TLE4: variants seen among roughly 807,000 people sequenced by gnomAD.
TLE4 encodes transducin-like enhancer protein 4.
Under a neutral mutation model 92.8 loss-of-function variants are expected in TLE4, and 8 were observed. The ratio of observed to expected loss-of-function variants is 0.09; its 90% CI spans 0.05 to 0.16. The LOEUF is 0.16. Among genes scored for constraint, TLE4 ranks in the 10% least tolerant of loss-of-function variants. The probability of loss-of-function intolerance (pLI) is 1.00; values close to 1 mark genes in which losing one functional copy is unlikely to be tolerated. For synonymous variants in TLE4, 371 were observed against 374.1 expected (o/e 0.99, Z 0.10); for missense variants, 675 against 997.6 (o/e 0.68, Z 4.36).
intron 14 of TLE4, among the ~76,000 whole-genome samples, chr9:79,711,858 A>G (rs1321405779): frequency 6.6e-6 from 1 of 152,224 alleles, no homozygotes; most frequent in African/African-American, 2.4e-5. Flanking sequence ...ACAGAGTCAC[A>G]TCTACTGCAG....
At chr9:79,703,288 C>G (rs1471755688) in intron 8 of TLE4, among the ~76,000 whole-genome samples, 1 of 152,138 alleles carries the variant, frequency 6.6e-6, no homozygotes. Context: ...CACTTGGGAG[C>G]CCTGCCCTGG....
chr9:79,640,288 G>A (rs2056863461), intron 6 of TLE4, among the ~76,000 whole-genome samples: 2 of 152,048 alleles, frequency 1.3e-5, no homozygotes, highest in Non-Finnish European at 2.9e-5. Context: ...AACAGGAAAC[G>A]AAGAAACAGG....
chr9:79,604,067 A>AT (rs2046286793), intron 4 of TLE4, among the ~76,000 whole-genome samples: 1 of 152,174 alleles, frequency 6.6e-6, no homozygotes, highest in Non-Finnish European at 1.5e-5. Flanking sequence ...ATTTCAGATG[A>AT]TTACAGATGC....
chr9:79,667,096 C>T (rs2134680209), intron 8 of TLE4, among the ~76,000 whole-genome samples: 1 of 152,304 alleles, frequency 6.6e-6, no homozygotes, highest in East Asian at 1.9e-4. Flanking sequence ...ACAGCTGCGC[C>T]CAGATCTAGA....
At chr9:79,583,000 T>C (rs2040104159) in intron 4 of TLE4, among the ~76,000 whole-genome samples, 1 of 152,202 alleles carries the variant, frequency 6.6e-6, no homozygotes, top group South Asian at 2.1e-4. Flanking sequence ...AAATTATTAC[T>C]CTAAAGAGGA....
Position 79,573,249 on chromosome 9 carries a change from C to G in TLE4, c.45+414C>G, listed in dbSNP as rs865857744. 1.8e-4 allele frequency: 182 copies of G among 1,017,154 alleles called. No homozygotes were observed. In the African/African-American group the frequency reaches 2.3e-3, roughly 13 times the overall value. 63.0% of individuals were successfully genotyped at this position (1,017,154 alleles called of 1,614,324 possible). On this transcript the variant is annotated intron_variant, in intron 1 of 19. Coordinates refer to ENST00000376552, the MANE Select transcript of TLE4 (RefSeq NM_007005.6). ...GGCGCCGGCCCCTCGCGCCGCGGGC[C>G]GCCGGGGCGAGCGGGCGAACGAACG...
chr9:79,664,703 C>T (rs1435622616), intron 8 of TLE4, among the ~76,000 whole-genome samples: 3 of 152,152 alleles, frequency 2.0e-5, no homozygotes, highest in Non-Finnish European at 2.9e-5. Context: ...CTCCTCCTGC[C>T]TCCCGCTGCC....
At chr9:79,591,778 A>G (rs1433413007) in intron 4 of TLE4, among the ~76,000 whole-genome samples, 35 of 152,174 alleles carry the variant, frequency 2.3e-4, no homozygotes, top group Admixed American at 2.3e-3. Context: ...AGAGGGACAG[A>G]GTCATGGTAC....
intron 4 of TLE4, among the ~76,000 whole-genome samples, chr9:79,608,739 G>C (rs2047675712): frequency 6.6e-6 from 1 of 151,968 alleles, no homozygotes; most frequent in Non-Finnish European, 1.5e-5. Flanking sequence ...TAGTAATGTT[G>C]TTCCTATTTT....
At chr9:79,702,565 T>A (rs959494775) in intron 8 of TLE4, among the ~76,000 whole-genome samples, 1 of 152,196 alleles carries the variant, frequency 6.6e-6, no homozygotes, top group Non-Finnish European at 1.5e-5. Context: ...TAGTCCACTT[T>A]AAAAAATCGT....
At chr9:79,615,668 T>C (rs1194238471) in intron 5 of TLE4, among the ~76,000 whole-genome samples, 1 of 152,196 alleles carries the variant, frequency 6.6e-6, no homozygotes, top group African/African-American at 2.4e-5. Context: ...TACTGAATGA[T>C]AACTATTAAA....
chr9:79,720,336 AT>A, intron 16 of TLE4, 43 bp downstream of exon 16: 1 of 1,568,662 alleles, frequency 6.4e-7, no homozygotes, highest in Non-Finnish European at 8.6e-7. Flanking sequence ...GGAGGAGCCG[AT>A]TTTACCATAT....
At chr9:79,600,688 G>A (rs2045406300) in intron 4 of TLE4, among the ~76,000 whole-genome samples, 1 of 152,152 alleles carries the variant, frequency 6.6e-6, no homozygotes. Flanking sequence ...GTTCAGAAGG[G>A]ATTTGAATAG....
At chr9:79,712,983 A>G (rs2073700925) in intron 14 of TLE4, among the ~76,000 whole-genome samples, 1 of 152,262 alleles carries the variant, frequency 6.6e-6, no homozygotes, top group African/African-American at 2.4e-5. Flanking sequence ...TCAAATGAGA[A>G]TAATGCCTGA....
At chr9:79,710,076 A>T (rs1453696333) in intron 14 of TLE4, among the ~76,000 whole-genome samples, 1 of 152,232 alleles carries the variant, frequency 6.6e-6, no homozygotes, top group Non-Finnish European at 1.5e-5. Context: ...CTGAAAGGAA[A>T]TAAGGGCACT....
In TLE4 at chr9:79,724,168, TC is replaced by T. The variant is rs1474819100; in HGVS notation, c.2215-868del. On this transcript the variant is annotated intron_variant, in intron 19 of 19. Transcript: ENST00000376552. ...CTTTTTACTAGGAATATTTTTACAT[TC>T]TTTTTTTTTTTTTAATGTATTCTCA... 9.2e-5 allele frequency among the ~76,000 whole-genome samples: 14 copies of T among 151,804 alleles called. No homozygotes were observed. In the South Asian group the frequency reaches 1.0e-3, roughly 11 times the overall value.
At chr9:79,604,873 C>T (rs935599366) in intron 4 of TLE4, among the ~76,000 whole-genome samples, 6 of 152,142 alleles carry the variant, frequency 3.9e-5, no homozygotes, top group African/African-American at 9.7e-5. Context: ...GAATAATCTC[C>T]GTTTACTCTG....
intron 4 of TLE4, among the ~76,000 whole-genome samples, chr9:79,583,616 G>A (rs1042126422): frequency 1.4e-4 from 21 of 151,934 alleles, no homozygotes; most frequent in African/African-American, 4.8e-4. Context: ...TTTCTTAGCA[G>A]GCTTATTTAA....
intron 19 of TLE4, 42 bp downstream of exon 19, chr9:79,723,077 CA>C: frequency 6.4e-7 from 1 of 1,566,132 alleles, no homozygotes; most frequent in Non-Finnish European, 8.8e-7. Flanking sequence ...TTTGTTTAAT[CA>C]AACTCTCTGT....
Sources: gnomAD v4.1 joint callset for allele counts (sites outside exome capture counted in the v4.1 genomes callset) on GRCh38, gnomAD v4.1.1 for gene constraint, MANE v1.5 for transcripts, NCBI Gene and HGNC (gene_info 2026-07-23, HGNC 2026-07-21) for gene names.